Variants in EXT1 observed in about 807,000 individuals in gnomAD.
EXT1 encodes exostosin glycosyltransferase 1.
EXT1 carries 20 observed loss-of-function variants against 82.5 expected under a neutral mutation model. The ratio of observed to expected loss-of-function variants is 0.24; its 90% CI spans 0.17 to 0.35. EXT1 has a LOEUF of 0.35. Among genes scored for constraint, EXT1 ranks in the 10% least tolerant of loss-of-function variants. The probability of loss-of-function intolerance (pLI) is 1.00; values close to 1 mark genes in which losing one functional copy is unlikely to be tolerated. For synonymous variants in EXT1, 348 were observed against 350.8 expected (o/e 0.99, Z 0.09); for missense variants, 757 against 936.5 (o/e 0.81, Z 2.50).
chr8:117,915,767 ACT>A (rs1337236244), intron 1 of EXT1, among the ~76,000 whole-genome samples: 1 of 152,104 alleles, frequency 6.6e-6, no homozygotes, highest in Admixed American at 6.6e-5. Context: ...GAGGCACGAG[ACT>A]CTCTTAAACC....
At chr8:117,952,806 T>G (rs1158738056) in intron 1 of EXT1, among the ~76,000 whole-genome samples, 1 of 152,078 alleles carries the variant, frequency 6.6e-6, no homozygotes, top group Non-Finnish European at 1.5e-5. Context: ...CTCAATATTC[T>G]TTTCCCCACT....
intron 1 of EXT1, among the ~76,000 whole-genome samples, chr8:117,934,292 C>A (rs1446396329): frequency 1.3e-4 from 20 of 151,932 alleles, no homozygotes; most frequent in Admixed American, 1.2e-3. Context: ...CTTTCAGGAA[C>A]AGCATGGACG....
intron 1 of EXT1, among the ~76,000 whole-genome samples, chr8:117,925,054 G>A (rs1813927583): frequency 2.0e-5 from 3 of 152,054 alleles, no homozygotes; most frequent in East Asian, 1.9e-4. Context: ...CCAAAACATA[G>A]AACTGTAATT....
chr8:117,968,531 T>TTAAAGCAGTAAA (rs371305637), intron 1 of EXT1, among the ~76,000 whole-genome samples: 9 of 16,060 alleles, frequency 5.6e-4, no homozygotes, highest in South Asian at 4.1e-3. Flanking sequence ...TCTGCCTTAT[T>TTAAAGCAGTAAA]TATTTATTTA....
chr8:117,955,565 CAAA>C (rs1814570393), intron 1 of EXT1, among the ~76,000 whole-genome samples: 1 of 151,054 alleles, frequency 6.6e-6, no homozygotes, highest in Non-Finnish European at 1.5e-5. Context: ...GGGCAGAGAC[CAAA>C]TTTTTGAGAC....
At chr8:117,988,871 G>A (rs1175640353) in intron 1 of EXT1, among the ~76,000 whole-genome samples, 1 of 152,028 alleles carries the variant, frequency 6.6e-6, no homozygotes, top group African/African-American at 2.4e-5. Context: ...AGTCTAGGGG[G>A]CTCTCCTCTA....
At chr8:117,961,369 A>C (rs2129717713) in intron 1 of EXT1, among the ~76,000 whole-genome samples, 1 of 152,338 alleles carries the variant, frequency 6.6e-6, no homozygotes, top group African/African-American at 2.4e-5. Context: ...ATTGGGGGAC[A>C]GGGGGATTCT....
At chr8:118,061,666 T>C (rs1203357701) in intron 1 of EXT1, among the ~76,000 whole-genome samples, 2 of 152,196 alleles carry the variant, frequency 1.3e-5, no homozygotes, top group Non-Finnish European at 1.5e-5. Flanking sequence ...TTTGTTCAAC[T>C]TGCACCTCAT....
intron 1 of EXT1, among the ~76,000 whole-genome samples, chr8:117,998,659 G>C (rs1304602602): frequency 6.6e-6 from 1 of 152,120 alleles, no homozygotes; most frequent in Non-Finnish European, 1.5e-5. Flanking sequence ...CTGATCATGA[G>C]GATAAGAAAG....
At chr8:117,822,143 TATG>T (rs1348077467) in intron 5 of EXT1, among the ~76,000 whole-genome samples, 1 of 152,176 alleles carries the variant, frequency 6.6e-6, no homozygotes, top group Non-Finnish European at 1.5e-5. Flanking sequence ...CCATTTTATA[TATG>T]ATGAGGCTTA....
At chr8:118,028,084 T>C (rs1229652272) in intron 1 of EXT1, among the ~76,000 whole-genome samples, 2 of 152,202 alleles carry the variant, frequency 1.3e-5, no homozygotes, top group Admixed American at 6.5e-5. Context: ...AATGGGAGAA[T>C]AGGAGGCAGA....
chr8:118,070,844 A>C (rs1464504434), intron 1 of EXT1, among the ~76,000 whole-genome samples: 3 of 152,190 alleles, frequency 2.0e-5, no homozygotes, highest in Non-Finnish European at 4.4e-5. Context: ...AAGGGATCTC[A>C]AGAGGTATGA....
At chr8:118,053,339 C>T (rs528289503) in intron 1 of EXT1, among the ~76,000 whole-genome samples, 27 of 152,252 alleles carry the variant, frequency 1.8e-4, no homozygotes, top group African/African-American at 6.3e-4. Flanking sequence ...CAGCACACCA[C>T]GACTCCCTTC....
intron 1 of EXT1, among the ~76,000 whole-genome samples, chr8:117,997,892 GCC>G (rs1458801443): frequency 6.6e-6 from 1 of 152,082 alleles, no homozygotes; most frequent in Non-Finnish European, 1.5e-5. Flanking sequence ...TGACTGAGCA[GCC>G]TTTCCTTCCC....
intron 1 of EXT1, among the ~76,000 whole-genome samples, chr8:118,100,097 A>G (rs1817691270): frequency 6.6e-6 from 1 of 152,182 alleles, no homozygotes; most frequent in Non-Finnish European, 1.5e-5. Context: ...GGAAAAGTCA[A>G]TCCGACTGGT....
At chr8:117,811,505 A>G (rs539010912) in intron 8 of EXT1, among the ~76,000 whole-genome samples, 2 of 152,306 alleles carry the variant, frequency 1.3e-5, no homozygotes, top group African/African-American at 2.4e-5. Flanking sequence ...GCTGCATAGA[A>G]AGCATTTTAA....
At chr8:117,812,740 C>T (rs1823347487) in intron 8 of EXT1, 132 bp downstream of exon 8, 1 of 833,474 alleles carries the variant, frequency 1.2e-6, no homozygotes, top group East Asian at 2.7e-5. Context: ...TGATTAAAAC[C>T]AGCGCTGTAG....
At chr8:117,806,115 T>G (rs1363352929) in intron 9 of EXT1, among the ~76,000 whole-genome samples, 20 of 152,200 alleles carry the variant, frequency 1.3e-4, no homozygotes, top group Admixed American at 1.3e-3. Flanking sequence ...GATCACTACT[T>G]ACCATGGCCA....
intron 1 of EXT1, among the ~76,000 whole-genome samples, chr8:117,863,303 G>A (rs1356789596): frequency 2.7e-5 from 3 of 111,958 alleles, no homozygotes; most frequent in South Asian, 5.5e-4. Flanking sequence ...AGACTGGAAC[G>A]GTAGTGGTCT....
Sources: allele counts gnomAD v4.1 joint callset (sites outside exome capture counted in the v4.1 genomes callset), GRCh38; gene constraint gnomAD v4.1.1; transcripts MANE v1.5; gene names NCBI Gene and HGNC (gene_info 2026-07-23, HGNC 2026-07-21).